The following ACACA variants were observed in gnomAD, a reference collection of about 807,000 sequenced individuals.
ACACA encodes the protein acetyl-CoA carboxylase 1.
In ACACA, 103 loss-of-function variants were observed where a neutral mutation model predicts 296.1. That is an observed-to-expected ratio of 0.35 (90% CI 0.30 to 0.41). The LOEUF (loss-of-function observed/expected upper bound fraction) is 0.41, where lower values mean the gene tolerates loss of function less well. ACACA is among the 10% of genes least tolerant of loss of function. The pLI is 1.00. For synonymous variants in ACACA, 953 were observed against 1,038.6 expected (o/e 0.92, Z 1.58); for missense variants, 1,554 against 2,989.7 (o/e 0.52, Z 11.20).
intron 3 of ACACA, among the ~76,000 whole-genome samples, chr17:37,289,702 C>T (rs2082953726): frequency 6.6e-6 from 1 of 152,232 alleles, no homozygotes; most frequent in African/African-American, 2.4e-5. Context: ...GAATCCACCA[C>T]TGCATTATAG....
At chr17:37,319,917 C>T (rs2047268833) in intron 3 of ACACA, among the ~76,000 whole-genome samples, 1 of 151,904 alleles carries the variant, frequency 6.6e-6, no homozygotes, top group Admixed American at 6.6e-5. Context: ...TGCCACTGCA[C>T]TCCAGCCTTG....
At chr17:37,282,905 T>C (rs915070203) in intron 5 of ACACA, among the ~76,000 whole-genome samples, 26 of 152,166 alleles carry the variant, frequency 1.7e-4, no homozygotes, top group Non-Finnish European at 2.9e-5. Flanking sequence ...TAATTCAATA[T>C]AACGCATAAG....
chr17:37,331,524 C>T lies in ACACA; in HGVS notation c.86-1099G>A, dbSNP rs919923748. Among the ~76,000 whole-genome samples the T allele has an allele frequency of 7.2e-5, 11 of 152,132 alleles. No homozygotes were observed. The South Asian group carries it at 1.2e-3, about 17-fold the overall frequency. ...CCCGGGTTCAAGCAATTCTCTGCCT[C>T]GGCCTCCCAAGTAGCTGGGATTACA... On this transcript the variant is annotated intron_variant, in intron 2 of 55. Transcript: ENST00000616317.
chr17:37,133,152 C>T (rs917213370), intron 45 of ACACA, among the ~76,000 whole-genome samples: 1 of 152,166 alleles, frequency 6.6e-6, no homozygotes, highest in South Asian at 2.1e-4. Flanking sequence ...CCCAATATCA[C>T]TCTCTGACCA....
rs766628605 is a variant in ACACA, at chr17:37,155,669, A to G, written c.5447+14T>C. On this transcript the variant is annotated intron_variant, in intron 43 of 55. Transcript: ENST00000616317. ...TTAGTCATGACCAAATTATTCCAATACATATATACCTACCTGGATTCTCCT... is the reference window on the plus strand; with the variant it reads ...TTAGTCATGACCAAATTATTCCAATGCATATATACCTACCTGGATTCTCCT... 18 of 1,561,102 alleles carry G rather than the reference A, an allele frequency of 1.2e-5. 1 individual carries two copies. The Admixed American group carries it at 2.7e-4, about 23-fold the overall frequency.
At chr17:37,282,360 G>T (rs1195650858) in intron 5 of ACACA, among the ~76,000 whole-genome samples, 1 of 152,212 alleles carries the variant, frequency 6.6e-6, no homozygotes, top group Non-Finnish European at 1.5e-5. Flanking sequence ...TTCCTGTAAA[G>T]CCTGTAGAAT....
At chr17:37,119,589 A>AACACACACACACACACACACACACAC in intron 50 of ACACA, among the ~76,000 whole-genome samples, 1 of 128,440 alleles carries the variant, frequency 7.8e-6, no homozygotes, top group Non-Finnish European at 1.7e-5. Context: ...TTTTCAACCA[A>AACACACACACACACACACACACACAC]ACACACACAC....
At chr17:37,177,441 T>C (rs2077161953) in intron 41 of ACACA, among the ~76,000 whole-genome samples, 1 of 152,126 alleles carries the variant, frequency 6.6e-6, no homozygotes, top group Non-Finnish European at 1.5e-5. Flanking sequence ...GACTTCACTA[T>C]TCCCTGAGTC....
chr17:37,359,103 G>A (rs935456039), intron 1 of ACACA: 17 of 985,522 alleles, frequency 1.7e-5, no homozygotes, highest in South Asian at 1.4e-4. Flanking sequence ...TGACAGGCGT[G>A]CAGCACCAGG....
intron 50 of ACACA, among the ~76,000 whole-genome samples, chr17:37,119,134 G>A (rs1191784727): frequency 6.6e-6 from 1 of 152,326 alleles, no homozygotes; most frequent in African/African-American, 2.4e-5. Context: ...TTGGGATCAA[G>A]TGAAATCTAA....
chr17:37,385,993 C>T, intron 1 of ACACA: 2 of 1,504,192 alleles, frequency 1.3e-6, no homozygotes, highest in African/African-American at 2.8e-5. Context: ...TTCATCTTTT[C>T]TACTTTGTTT....
In ACACA at chr17:37,173,982, T is replaced by TTA. The variant is rs1173883631; in HGVS notation, c.5079+5276_5079+5277dup. 8.8e-3 allele frequency among the ~76,000 whole-genome samples: 170 copies of TTA among 19,410 alleles called. 14 individuals are homozygous for TTA. The highest frequency in any genetic ancestry group is 1.0e-2 in the Non-Finnish European group (96 of 9,638). The allele number at this position is 19,410 out of a possible 152,430, so 12.7% of individuals were successfully genotyped here. ...GCGCCTGCCAACACGCCTGGCTAAT[T>TTA]TATATATATATATATATATATATAT... On this transcript the variant is annotated intron_variant, in intron 41 of 55. Coordinates refer to ENST00000616317, the MANE Select transcript of ACACA (RefSeq NM_198834.3).
intron 1 of ACACA, among the ~76,000 whole-genome samples, chr17:37,403,571 C>A (rs1330438041): frequency 6.6e-6 from 1 of 151,628 alleles, no homozygotes; most frequent in Non-Finnish European, 1.5e-5. Flanking sequence ...GAAGTTTCAC[C>A]ATGTTGCCCA....
rs1006686310 is a variant in ACACA, at chr17:37,097,384, C to T, written c.6721-218G>A. ...GCACTGTGCACAGCCATGGGCCTGG[C>T]TAATGCTGATCCCACACATGGCTGA... On this transcript the variant is annotated intron_variant, in intron 53 of 55. Transcript: ENST00000616317. The surrounding 1 kb of genome is among the most constrained non-coding windows in gnomAD (Gnocchi z 4.8). Among the ~76,000 whole-genome samples, 10 of 152,212 alleles carry T rather than the reference C, an allele frequency of 6.6e-5. No homozygotes were observed. The highest frequency in any genetic ancestry group is 1.5e-5 in the Non-Finnish European group (1 of 68,042).
chr17:37,170,902 T>C (rs139591726), intron 41 of ACACA, among the ~76,000 whole-genome samples: 1 of 152,204 alleles, frequency 6.6e-6, no homozygotes, highest in African/African-American at 2.4e-5. Context: ...ACAAAGAAAT[T>C]TGCAGGAAAA....
intron 13 of ACACA, among the ~76,000 whole-genome samples, 166 bp downstream of exon 13, chr17:37,258,043 GGAT>G (rs1239592695): frequency 5.3e-5 from 8 of 152,088 alleles, no homozygotes; most frequent in African/African-American, 1.4e-4. Flanking sequence ...GACTTAAGTG[GGAT>G]TAAGTAACCA....
chr17:37,343,493 G>A (rs1007775917), intron 1 of ACACA, among the ~76,000 whole-genome samples: 40 of 152,134 alleles, frequency 2.6e-4, no homozygotes, highest in Non-Finnish European at 5.3e-4. Context: ...GAGGCCGGGT[G>A]CAGTGGCTCA....
At chr17:37,155,392 T>C (rs1466946542) in intron 43 of ACACA, among the ~76,000 whole-genome samples, 1 of 152,184 alleles carries the variant, frequency 6.6e-6, no homozygotes, top group Non-Finnish European at 1.5e-5. Context: ...ATAACATAAA[T>C]TCATAATCGT....
chr17:37,378,644 C>T (rs113934169), intron 1 of ACACA, among the ~76,000 whole-genome samples: 342 of 152,282 alleles, frequency 2.2e-3, no homozygotes, highest in African/African-American at 7.8e-3. Context: ...ACCAGAGAGG[C>T]GGAGGTTGCA....
Sources: allele counts gnomAD v4.1 joint callset (sites outside exome capture counted in the v4.1 genomes callset), GRCh38; gene constraint gnomAD v4.1.1; non-coding constraint Gnocchi (gnomAD v3.1); transcripts MANE v1.5; gene names NCBI Gene and HGNC (gene_info 2026-07-23, HGNC 2026-07-21).